Variants in NEGR1 observed in about 807,000 individuals in gnomAD.
NEGR1 encodes neuronal growth regulator 1.
A neutral mutation model predicts 40.9 loss-of-function variants in NEGR1; 10 were observed. The ratio of observed to expected loss-of-function variants is 0.24; its 90% CI spans 0.15 to 0.42. The LOEUF is 0.42. Ranked by LOEUF, NEGR1 falls within the 10% of genes least tolerant of loss-of-function variation. The pLI is 1.00. For missense variants in NEGR1, 352 were observed against 438.9 expected, an observed-to-expected ratio of 0.80 and a Z score of 1.77; for synonymous variants, 185 against 166.8, an observed-to-expected ratio of 1.11 and a Z score of -0.84.
chr1:71,481,900 T>A (rs1646856359), intron 6 of NEGR1, among the ~76,000 whole-genome samples: 1 of 151,934 alleles, frequency 6.6e-6, no homozygotes, highest in Non-Finnish European at 1.5e-5. Flanking sequence ...AATTTTCCTT[T>A]GTTTCTCCCT....
At chr1:71,883,808 G>T (rs1660650209) in intron 2 of NEGR1, among the ~76,000 whole-genome samples, 1 of 142,738 alleles carries the variant, frequency 7.0e-6, no homozygotes, top group Admixed American at 7.7e-5. Context: ...TCCCACCCAT[G>T]AGTGAGAACA....
chr1:71,835,729 A>C (rs1659003349), intron 2 of NEGR1, among the ~76,000 whole-genome samples: 2 of 152,142 alleles, frequency 1.3e-5, no homozygotes, highest in Admixed American at 6.5e-5. Flanking sequence ...CATCATGGTT[A>C]AAGAAACAGT....
rs1195989039 is a variant in NEGR1 at position 71,794,894 on chromosome 1, T to TA, written c.410-18598dup. ...AAATAATTTCAACAAGTCAAAATGT[T>TA]AAAAAAGGTCTACTAATAGAAAAAT... On this transcript the variant is annotated intron_variant, in intron 2 of 6. Transcript: ENST00000357731. Among the ~76,000 whole-genome samples the TA allele has an allele frequency of 3.9e-5, 6 of 152,048 alleles. No individual in the cohort carries two copies. The South Asian group carries it at 8.3e-4, about 21-fold the overall frequency.
chr1:71,773,830 G>A (rs4649946), intron 3 of NEGR1, among the ~76,000 whole-genome samples: 125,386 of 152,058 alleles, frequency 0.82, 52,926 homozygotes, highest in East Asian at 1. Flanking sequence ...GATGTTATCC[G>A]TTATCATTAT....
chr1:71,694,066 A>T (rs1320681593), intron 4 of NEGR1, among the ~76,000 whole-genome samples: 2 of 151,632 alleles, frequency 1.3e-5, no homozygotes, highest in Non-Finnish European at 3.0e-5. Flanking sequence ...ACTTGAATCC[A>T]TGGGCTTTCT....
At chr1:71,921,551 A>G (rs1198697178) in intron 2 of NEGR1, among the ~76,000 whole-genome samples, 1 of 151,240 alleles carries the variant, frequency 6.6e-6, no homozygotes, top group Non-Finnish European at 1.5e-5. Context: ...TACTAAATAT[A>G]TTTTCTCTTT....
intron 1 of NEGR1, among the ~76,000 whole-genome samples, chr1:71,999,281 C>T (rs1235985765): frequency 6.6e-6 from 1 of 151,868 alleles, no homozygotes; most frequent in Non-Finnish European, 1.5e-5. Context: ...AATAGGATTT[C>T]ATAACCTGCC....
intron 1 of NEGR1, among the ~76,000 whole-genome samples, chr1:72,130,344 G>A (rs1415745150): frequency 6.6e-6 from 1 of 152,114 alleles, no homozygotes; most frequent in Non-Finnish European, 1.5e-5. Flanking sequence ...AAGTATAAAT[G>A]AGCCCCTGCC....
At chr1:71,525,495 G>A (rs536775633) in intron 6 of NEGR1, among the ~76,000 whole-genome samples, 1 of 151,752 alleles carries the variant, frequency 6.6e-6, no homozygotes, top group African/African-American at 2.4e-5. Flanking sequence ...TTCCCATCCA[G>A]CTGAAATCCT....
At chr1:72,135,103 G>A (rs1055607414) in intron 1 of NEGR1, among the ~76,000 whole-genome samples, 2 of 150,338 alleles carry the variant, frequency 1.3e-5, no homozygotes, top group East Asian at 2.0e-4. Context: ...TCGGCCGGGC[G>A]TGGTGGCTCA....
intron 2 of NEGR1, among the ~76,000 whole-genome samples, chr1:71,898,353 C>A (rs1661028868): frequency 6.6e-6 from 1 of 152,140 alleles, no homozygotes; most frequent in Admixed American, 6.6e-5. Flanking sequence ...CGGTGGTTCA[C>A]GCCTGTAATC....
intron 6 of NEGR1, among the ~76,000 whole-genome samples, chr1:71,575,180 A>G (rs1225880251): frequency 6.6e-6 from 1 of 152,214 alleles, no homozygotes; most frequent in Non-Finnish European, 1.5e-5. Flanking sequence ...CATACACCCT[A>G]CAATCTAAAT....
At chr1:71,695,446 G>A (rs1258641945) in intron 4 of NEGR1, among the ~76,000 whole-genome samples, 1 of 151,612 alleles carries the variant, frequency 6.6e-6, no homozygotes, top group African/African-American at 2.4e-5. Flanking sequence ...TTATCTACCT[G>A]AAATTTATTG....
intron 4 of NEGR1, among the ~76,000 whole-genome samples, chr1:71,688,371 T>TATAAAAAAGATATATATAAG (rs1553158636): frequency 0.037 from 3,480 of 94,836 alleles, 440 homozygotes; most frequent in East Asian, 0.096. Flanking sequence ...ATATATGAGA[T>TATAAAAAAGATATATATAAG]ATATACATAA....
intron 1 of NEGR1, among the ~76,000 whole-genome samples, chr1:71,944,986 TG>T (rs1371516018): frequency 6.6e-6 from 1 of 152,160 alleles, no homozygotes; most frequent in Non-Finnish European, 1.5e-5. Context: ...AAAAAATTAA[TG>T]TTTTTTTAAA....
rs1557617835 is a variant in NEGR1, at chr1:71,698,120, T to C, written c.555A>G (p.Gly185=). The C allele has an allele frequency of 6.2e-7, 1 of 1,610,604 alleles. No homozygotes were observed. Among genetic ancestry groups the C allele is most frequent in the Admixed American group, 1.7e-5 (1 of 59,694 alleles). ...TAATTCCATAAATGTCCAAATATTG[T>C]CCATTTTCAAATGGTTTTGCTATAA... is the stretch of plus-strand genomic sequence containing the variant. ...ISPSAKPFEN[G]QYLDIYGITR... The change falls in exon 4 of 7, where the codon GGA becomes GGG. Residue 185 remains glycine, a synonymous_variant. Transcript: ENST00000357731.
chr1:71,850,126 C>A (rs1341577380), intron 2 of NEGR1, among the ~76,000 whole-genome samples: 1 of 144,216 alleles, frequency 6.9e-6, no homozygotes, highest in Non-Finnish European at 1.5e-5. Context: ...CATTTATAAT[C>A]TACTGTCTTT....
At chr1:71,570,095 A>G (rs1006411249) in intron 6 of NEGR1, among the ~76,000 whole-genome samples, 1 of 152,232 alleles carries the variant, frequency 6.6e-6, no homozygotes, top group Non-Finnish European at 1.5e-5. Flanking sequence ...TAATTTGCGA[A>G]CCATTTTCTT....
intron 1 of NEGR1, among the ~76,000 whole-genome samples, chr1:72,214,682 A>G (rs1653732861): frequency 6.6e-6 from 1 of 152,130 alleles, no homozygotes. Flanking sequence ...TTCAAGGAGT[A>G]CTACAAGCCA....
Sources: gnomAD v4.1 joint callset for allele counts (sites outside exome capture counted in the v4.1 genomes callset) on GRCh38, gnomAD v4.1.1 for gene constraint, MANE v1.5 for transcripts, NCBI Gene and HGNC (gene_info 2026-07-23, HGNC 2026-07-21) for gene names.